Variants in ATP2C1 observed in about 807,000 individuals in gnomAD.
ATP2C1 encodes ATPase secretory pathway Ca2+ transporting 1.
Under a neutral mutation model 120.5 loss-of-function variants are expected in ATP2C1, and 31 were observed. The ratio of observed to expected loss-of-function variants is 0.26; its 90% confidence interval spans 0.19 to 0.35. The LOEUF is 0.35. Among genes scored for constraint, ATP2C1 ranks in the 10% least tolerant of loss-of-function variants. ATP2C1 has a pLI of 1.00. For missense variants in ATP2C1, 731 were observed against 1,107.5 expected (o/e 0.66, Z 4.83); for synonymous variants, 351 against 358.7 (o/e 0.98, Z 0.24).
chr3:130,888,370 A>T (rs180969990), intron 1 of ATP2C1, among the ~76,000 whole-genome samples: 10 of 152,288 alleles, frequency 6.6e-5, no homozygotes, highest in African/African-American at 2.4e-4. Flanking sequence ...AGTGGCTCTA[A>T]GCCCATCCCA....
intron 13 of ATP2C1, 25 bp from the exon 14 acceptor site, chr3:130,964,923 G>A: frequency 6.5e-7 from 1 of 1,546,474 alleles, no homozygotes; most frequent in Non-Finnish European, 8.9e-7. Flanking sequence ...TTCTTTTGGT[G>A]ACTTGTAATG....
chr3:130,966,904 T>C (rs2061069932), intron 14 of ATP2C1, among the ~76,000 whole-genome samples: 1 of 152,202 alleles, frequency 6.6e-6, no homozygotes, highest in Non-Finnish European at 1.5e-5. Flanking sequence ...TTTAACAGTA[T>C]ATTGTAATTA....
At chr3:130,958,547 T>C (rs1454793271) in intron 11 of ATP2C1, among the ~76,000 whole-genome samples, 1 of 152,174 alleles carries the variant, frequency 6.6e-6, no homozygotes, top group Non-Finnish European at 1.5e-5. Context: ...TTGTCTTAAA[T>C]GTTCATATTG....
chr3:131,013,979 A>T (rs2063448049), intron 26 of ATP2C1: 3 of 1,049,018 alleles, frequency 2.9e-6, no homozygotes, highest in Non-Finnish European at 4.1e-6. Context: ...AGAAAAAGCT[A>T]ATTGTTTCAA....
intron 17 of ATP2C1, among the ~76,000 whole-genome samples, chr3:130,971,931 C>T (rs1357444342): frequency 1.3e-5 from 2 of 152,172 alleles, no homozygotes; most frequent in Non-Finnish European, 2.9e-5. Flanking sequence ...AGGCTGGCAT[C>T]TCCCTACTGT....
At chr3:130,970,404 A>ACACC (rs1553772634) in intron 17 of ATP2C1, among the ~76,000 whole-genome samples, 1 of 149,890 alleles carries the variant, frequency 6.7e-6, no homozygotes, top group African/African-American at 2.5e-5. Context: ...ACACACACAC[A>ACACC]CACCCTTAAA....
intron 8 of ATP2C1, among the ~76,000 whole-genome samples, chr3:130,950,310 T>C (rs2060317607): frequency 6.6e-6 from 1 of 152,168 alleles, no homozygotes; most frequent in African/African-American, 2.4e-5. Flanking sequence ...AAATCAGTTT[T>C]CTTGTTCATT....
intron 20 of ATP2C1, among the ~76,000 whole-genome samples, chr3:130,990,294 G>T (rs1447326846): frequency 8.4e-6 from 1 of 118,874 alleles, no homozygotes; most frequent in East Asian, 2.1e-4. Context: ...ACAAAAAAAG[G>T]CAAAATTTGA....
At chr3:130,924,056 G>A (rs2059091071) in intron 2 of ATP2C1, among the ~76,000 whole-genome samples, 1 of 151,560 alleles carries the variant, frequency 6.6e-6, no homozygotes, top group South Asian at 2.1e-4. Context: ...GAGTATTTAG[G>A]CCATTTATAT....
At chr3:130,944,380 A>G (rs948220003) in intron 8 of ATP2C1, among the ~76,000 whole-genome samples, 16 of 152,304 alleles carry the variant, frequency 1.1e-4, no homozygotes, top group Middle Eastern at 3.4e-3. Flanking sequence ...TTTATTTTTC[A>G]CAGTTACGGA....
intron 20 of ATP2C1, among the ~76,000 whole-genome samples, chr3:130,985,460 C>T (rs2061958474): frequency 6.6e-6 from 1 of 151,888 alleles, no homozygotes; most frequent in African/African-American, 2.4e-5. Flanking sequence ...TGGCGAAACC[C>T]CATCTCTACT....
intron 6 of ATP2C1, among the ~76,000 whole-genome samples, chr3:130,939,700 C>T (rs1308880058): frequency 6.6e-6 from 1 of 152,212 alleles, no homozygotes; most frequent in South Asian, 2.1e-4. Flanking sequence ...ATGATTTTTA[C>T]ATTTGTAGAT....
In ATP2C1 at chr3:130,903,006, C is replaced by T. The variant is rs572186656; in HGVS notation, c.6+8231C>T. Among the ~76,000 whole-genome samples the T allele has an allele frequency of 2.8e-4, 42 of 152,004 alleles. 1 individual carries two copies. The highest frequency in any genetic ancestry group is 3.4e-4 in the Non-Finnish European group (23 of 67,898). ...TTTAGGGAGTCACTGGAATTCTTTG[C>T]TGCTATTTCTTTCCTTTTAGGAAAA... On this transcript the variant is annotated intron_variant, in intron 2 of 27. Coordinates refer to ENST00000510168, the MANE Select transcript of ATP2C1 (RefSeq NM_001378687.1).
At chr3:130,985,437 T>C (rs1443853017) in intron 20 of ATP2C1, among the ~76,000 whole-genome samples, 2 of 151,912 alleles carry the variant, frequency 1.3e-5, no homozygotes, top group Non-Finnish European at 2.9e-5. Context: ...TTTCGAGACC[T>C]GCCTGGCCAA....
In ATP2C1 at chr3:131,002,199, A is replaced by C; in HGVS notation, c.*849A>C. On this transcript the variant is annotated 3_prime_UTR_variant, in exon 28 of 28. Coordinates refer to ENST00000510168, the MANE Select transcript of ATP2C1 (RefSeq NM_001378687.1). ...GTCTTCCTTTTTGAGGTAAAGATAT[A>C]TACTTTGTCAAATATCATTTTGTCA... is the stretch of plus-strand genomic sequence containing the variant. 3 of 969,956 alleles carry C rather than the reference A, an allele frequency of 3.1e-6. No individual in the cohort carries two copies. The highest frequency in any genetic ancestry group is 1.8e-5 in the African/African-American group (1 of 57,002). The allele number at this position is 969,956 out of a possible 1,614,324, so 60.1% of individuals were successfully genotyped here. A position where few individuals can be genotyped will look rare whatever the true frequency, so the allele number is the denominator to read the frequency against.
chr3:130,950,907 T>C (rs2060345278), intron 8 of ATP2C1, among the ~76,000 whole-genome samples: 1 of 152,176 alleles, frequency 6.6e-6, no homozygotes, highest in South Asian at 2.1e-4. Context: ...TGTTAGTCAC[T>C]TCATGTTAGT....
At chr3:130,966,476 G>T (rs1355377265) in intron 14 of ATP2C1, among the ~76,000 whole-genome samples, 2 of 151,854 alleles carry the variant, frequency 1.3e-5, no homozygotes, top group Non-Finnish European at 2.9e-5. Flanking sequence ...GCCCAGGCTG[G>T]TCTTGAACTC....
rs1485490572 is a variant in ATP2C1 at position 130,975,480 on chromosome 3, G to C, written c.1562G>C (p.Gly521Ala). ...QQEKARMGSA[G>A]LRVLALASGP... ...GAGAAGGCACGCATGGGCTCAGCGG[G>C]ACTCAGAGGTAAGGCTATTTCAGCA... The change falls in exon 18 of 28, where the codon GGA becomes GCA. Residue 521 changes from glycine (G) to alanine (A), a missense_variant. Physicochemically the swap from Gly to Ala is moderately conservative, Grantham distance 60. Transcript: ENST00000510168. 1 of 1,613,606 alleles carries C rather than the reference G, an allele frequency of 6.2e-7. No homozygotes were observed. Among genetic ancestry groups the C allele is most frequent in the Admixed American group, 1.7e-5 (1 of 59,964 alleles).
chr3:130,946,117 C>G (rs2760274), intron 8 of ATP2C1, among the ~76,000 whole-genome samples: 150 of 152,196 alleles, frequency 9.9e-4, no homozygotes, highest in Middle Eastern at 3.4e-3. Flanking sequence ...CTAAATGTAT[C>G]AGACTTCTTT....
Sources: gnomAD v4.1 joint callset for allele counts (sites outside exome capture counted in the v4.1 genomes callset) on GRCh38, gnomAD v4.1.1 for gene constraint, MANE v1.5 for transcripts, NCBI Gene and HGNC (gene_info 2026-07-23, HGNC 2026-07-21) for gene names.